NRXN1: variants seen among roughly 807,000 people sequenced by gnomAD.
NRXN1 encodes the protein neurexin 1.
Under a neutral mutation model 150.9 loss-of-function variants are expected in NRXN1, and 39 were observed. The ratio of observed to expected loss-of-function variants is 0.26; its 90% CI spans 0.20 to 0.34. NRXN1 has a LOEUF of 0.34. Ranked by LOEUF, NRXN1 falls within the 10% of genes least tolerant of loss-of-function variation. The pLI, the probability that NRXN1 is intolerant of heterozygous loss-of-function variation, is 1.00. For synonymous variants in NRXN1, 924 were observed against 757.0 expected (o/e 1.22, Z -3.62); for missense variants, 1,815 against 1,949.9 (o/e 0.93, Z 1.30).
At chr2:50,360,702 A>C (rs2079128664) in intron 17 of NRXN1, among the ~76,000 whole-genome samples, 1 of 152,176 alleles carries the variant, frequency 6.6e-6, no homozygotes, top group South Asian at 2.1e-4. Flanking sequence ...TATACAGATC[A>C]ATGAGACAGA....
intron 8 of NRXN1, among the ~76,000 whole-genome samples, chr2:50,561,178 T>G (rs1236343241): frequency 2.0e-5 from 3 of 152,188 alleles, no homozygotes; most frequent in African/African-American, 7.2e-5. Flanking sequence ...CAACATTAGG[T>G]GCAATCTGTA....
intron 8 of NRXN1, 70 bp downstream of exon 8, chr2:50,619,952 G>A: frequency 1.5e-6 from 2 of 1,370,262 alleles, no homozygotes; most frequent in Non-Finnish European, 9.7e-7. Flanking sequence ...TTCAGCAAAG[G>A]TGCTTTCATG....
At position 50,168,224 on chromosome 2, in the gene NRXN1, G is replaced by A. The variant is rs1327629071; in HGVS notation, c.3546+68565C>T. The stretch of plus-strand genomic sequence containing the variant: ...ATGGCAAACATTACAAGCATGCATT[G>A]CAAATACTGGACTGTGGAAAATTAA... On this transcript the variant is annotated intron_variant, in intron 18 of 22. Transcript: ENST00000401669. 2.8e-4 allele frequency among the ~76,000 whole-genome samples: 42 copies of A among 152,124 alleles called. 1 individual carries two copies. Among genetic ancestry groups the A allele is most frequent in the Admixed American group, 2.8e-3 (42 of 15,264 alleles).
chr2:50,622,667 A>AC (rs1680242794), intron 6 of NRXN1, among the ~76,000 whole-genome samples: 1 of 152,210 alleles, frequency 6.6e-6, no homozygotes. Context: ...CATCTTGAAA[A>AC]AGTTTTTTTA....
At chr2:50,937,912 G>T (rs1688785609) in intron 2 of NRXN1, among the ~76,000 whole-genome samples, 1 of 152,092 alleles carries the variant, frequency 6.6e-6, no homozygotes, top group African/African-American at 2.4e-5. Context: ...AACAAACCTG[G>T]ATGGTATGGC....
chr2:50,140,650 T>G (rs1204237922), intron 18 of NRXN1, among the ~76,000 whole-genome samples: 3 of 150,950 alleles, frequency 2.0e-5, no homozygotes, highest in Admixed American at 1.3e-4. Context: ...TGTTCGATAT[T>G]CTGAGCTTTT....
chr2:50,072,432 A>G (rs187776361), intron 19 of NRXN1, among the ~76,000 whole-genome samples: 1 of 152,152 alleles, frequency 6.6e-6, no homozygotes, highest in East Asian at 1.9e-4. Context: ...CAAAAGATAC[A>G]CTGTGTCCAC....
At chr2:50,830,759 A>G (rs1311648051) in intron 5 of NRXN1, among the ~76,000 whole-genome samples, 2 of 150,502 alleles carry the variant, frequency 1.3e-5, no homozygotes, top group African/African-American at 4.9e-5. Flanking sequence ...ATTTCTTTTA[A>G]AATTAAATTA....
At chr2:50,911,237 G>C (rs899348750) in intron 5 of NRXN1, among the ~76,000 whole-genome samples, 1 of 151,720 alleles carries the variant, frequency 6.6e-6, no homozygotes, top group Non-Finnish European at 1.5e-5. Context: ...ATTTCTACTT[G>C]GAGAAATGAG....
chr2:50,917,972 A>C (rs560002821), intron 5 of NRXN1: 1 of 151,886 alleles, frequency 6.6e-6, no homozygotes, highest in South Asian at 2.1e-4. Context: ...TATAGATAAA[A>C]ATTTAAAGCA....
intron 18 of NRXN1, among the ~76,000 whole-genome samples, chr2:50,178,453 T>C (rs2060486578): frequency 6.6e-6 from 1 of 152,090 alleles, no homozygotes; most frequent in South Asian, 2.1e-4. Flanking sequence ...TGCTACTTTT[T>C]TTCTACAATA....
intron 8 of NRXN1, among the ~76,000 whole-genome samples, chr2:50,618,888 A>G (rs778757792): frequency 2.0e-5 from 3 of 152,078 alleles, no homozygotes; most frequent in East Asian, 3.9e-4. Flanking sequence ...AAGGCAATCT[A>G]TCACTCCTAC....
rs543039464 is a variant in NRXN1 at position 50,286,466 on chromosome 2, T to A, written c.3365-49496A>T. On this transcript the variant is annotated intron_variant, in intron 17 of 22. Coordinates refer to ENST00000401669, the MANE Select transcript of NRXN1 (RefSeq NM_001330078.2). Reference sequence around the variant, plus strand: ...ATTGTTGCAATTGACAGAATTTCCATCTTTATTATGGCTGGATAGTAGTCT... The same window carrying A: ...ATTGTTGCAATTGACAGAATTTCCAACTTTATTATGGCTGGATAGTAGTCT... 2.6e-5 allele frequency among the ~76,000 whole-genome samples: 4 copies of A among 152,332 alleles called. No individual in the cohort carries two copies. The East Asian group carries it at 7.7e-4, about 29-fold the overall frequency.
chr2:50,781,509 T>C (rs1359958829), intron 5 of NRXN1, among the ~76,000 whole-genome samples: 1 of 151,716 alleles, frequency 6.6e-6, no homozygotes, highest in Admixed American at 6.6e-5. Context: ...GGAAGGAGAG[T>C]GATTCAAAGG....
intron 2 of NRXN1, among the ~76,000 whole-genome samples, chr2:50,940,583 G>A (rs187213628): frequency 1.3e-5 from 2 of 151,896 alleles, no homozygotes; most frequent in Non-Finnish European, 2.9e-5. Flanking sequence ...AAAAGAAATA[G>A]TGTCAATAAC....
intron 2 of NRXN1, among the ~76,000 whole-genome samples, chr2:50,981,079 G>A (rs1696708643): frequency 6.6e-6 from 1 of 151,908 alleles, no homozygotes; most frequent in African/African-American, 2.4e-5. Context: ...TATAATGTAA[G>A]GTCCAAGCCC....
intron 5 of NRXN1, among the ~76,000 whole-genome samples, chr2:50,646,250 T>C (rs1684799681): frequency 6.6e-6 from 1 of 152,094 alleles, no homozygotes; most frequent in East Asian, 1.9e-4. Flanking sequence ...AAGGCCGCTA[T>C]TCTGGTGTCA....
At position 50,375,959 on chromosome 2, in the gene NRXN1, C is replaced by A. The variant is rs893416123; in HGVS notation, c.3364+89483G>T. 2.0e-5 allele frequency among the ~76,000 whole-genome samples: 3 copies of A among 151,526 alleles called. No homozygotes were observed. In the South Asian group the frequency reaches 6.2e-4, roughly 31 times the overall value. ...AAGCCAATAAGCCCTTAAAATAGAA[C>A]GATATAGTCTTAGCTCTGGAGGACA... On this transcript the variant is annotated intron_variant, in intron 17 of 22. Transcript: ENST00000401669.
chr2:50,637,891 C>A (rs1202996315), intron 5 of NRXN1, among the ~76,000 whole-genome samples: 1 of 151,934 alleles, frequency 6.6e-6, no homozygotes, highest in Non-Finnish European at 1.5e-5. Context: ...AAAAAATTTT[C>A]CTAGGATGAT....
Sources: gnomAD v4.1 joint callset for allele counts (sites outside exome capture counted in the v4.1 genomes callset) on GRCh38, gnomAD v4.1.1 for gene constraint, MANE v1.5 for transcripts, NCBI Gene and HGNC (gene_info 2026-07-23, HGNC 2026-07-21) for gene names.